Variants in NELL2 observed in about 807,000 individuals in gnomAD.
NELL2 encodes the protein protein kinase C-binding protein NELL2.
In NELL2, 41 loss-of-function variants were observed where a neutral mutation model predicts 109.6. That is an observed-to-expected ratio of 0.37 (90% confidence interval 0.29 to 0.49). The LOEUF (loss-of-function observed/expected upper bound fraction) is 0.49. Ranked by LOEUF, NELL2 falls within the 20% of genes least tolerant of loss-of-function variation. The pLI is 0.98. For missense variants in NELL2, 900 were observed against 1,008.3 expected (o/e 0.89, Z 1.45); for synonymous variants, 355 against 344.7 (o/e 1.03, Z -0.33).
At chr12:44,847,333 A>G (rs970257835) in intron 2 of NELL2, among the ~76,000 whole-genome samples, 6 of 152,164 alleles carry the variant, frequency 3.9e-5, no homozygotes, top group African/African-American at 9.7e-5. Context: ...TATCTTCGAA[A>G]CCAATCTGTA....
chr12:44,541,250 CAAAAAAAAAAAAAAAAG>C lies in NELL2; in HGVS notation c.1664-8546_1664-8530del, dbSNP rs1942552148. Among the ~76,000 whole-genome samples the C allele has an allele frequency of 2.5e-5, 2 of 78,904 alleles. 1 individual carries two copies. Among genetic ancestry groups the C allele is most frequent in the South Asian group, 1.1e-3 (2 of 1,826 alleles). The allele number at this position is 78,904 out of a possible 152,430, so 51.8% of individuals were successfully genotyped here. A position where few individuals can be genotyped will look rare whatever the true frequency, so the allele number is the denominator to read the frequency against. ...TGGGAGACAAAGTGAGACTCCATCT[CAAAAAAAAAAAAAAAAG>C]AAAAAAAAAAGAAATAGAGATAATT... On this transcript the variant is annotated intron_variant, in intron 15 of 19. Coordinates refer to ENST00000429094, the MANE Select transcript of NELL2 (RefSeq NM_001145108.2).
chr12:44,700,224 T>C (rs1949186660), intron 12 of NELL2, among the ~76,000 whole-genome samples: 1 of 152,206 alleles, frequency 6.6e-6, no homozygotes, highest in African/African-American at 2.4e-5. Flanking sequence ...TGCTCTTAGA[T>C]GCATCCACAT....
intron 15 of NELL2, among the ~76,000 whole-genome samples, chr12:44,564,756 T>C (rs1232353519): frequency 1.3e-5 from 2 of 152,218 alleles, no homozygotes; most frequent in East Asian, 3.8e-4. Flanking sequence ...CCTAAAACCA[T>C]GTTAAGATAT....
chr12:44,542,144 G>T (rs550704055), intron 15 of NELL2, among the ~76,000 whole-genome samples: 1 of 152,036 alleles, frequency 6.6e-6, no homozygotes, highest in South Asian at 2.1e-4. Context: ...ATGATATAGC[G>T]CAGTAAAATA....
At chr12:44,625,969 A>G (rs568278967) in intron 13 of NELL2, among the ~76,000 whole-genome samples, 2 of 106,730 alleles carry the variant, frequency 1.9e-5, no homozygotes, top group African/African-American at 1.2e-4. Flanking sequence ...AGGTAATTGG[A>G]AAAAAAAATC....
chr12:44,798,297 CTA>C (rs1942705079), intron 3 of NELL2, among the ~76,000 whole-genome samples: 1 of 151,766 alleles, frequency 6.6e-6, no homozygotes, highest in Admixed American at 6.6e-5. Flanking sequence ...GACAACATGA[CTA>C]TGTGCATAGA....
At chr12:44,804,199 G>A (rs1405287847) in intron 3 of NELL2, among the ~76,000 whole-genome samples, 1 of 151,844 alleles carries the variant, frequency 6.6e-6, no homozygotes, top group Non-Finnish European at 1.5e-5. Context: ...AATACCTAGA[G>A]TTTTAAATAA....
At chr12:44,520,760 A>T (rs1450060619) in intron 18 of NELL2, among the ~76,000 whole-genome samples, 1 of 152,104 alleles carries the variant, frequency 6.6e-6, no homozygotes, top group Non-Finnish European at 1.5e-5. Context: ...AAATCCTAGG[A>T]ATTGATTTCA....
chr12:44,720,212 T>C (rs1938694998), intron 9 of NELL2, among the ~76,000 whole-genome samples: 1 of 152,194 alleles, frequency 6.6e-6, no homozygotes. Context: ...TCATCTTTCT[T>C]ATCTCAGGAC....
At chr12:44,556,912 G>T (rs868855710) in intron 15 of NELL2, among the ~76,000 whole-genome samples, 23 of 152,180 alleles carry the variant, frequency 1.5e-4, no homozygotes, top group African/African-American at 4.6e-4. Context: ...GTGAAGGGAG[G>T]TGGCAAGAGA....
At chr12:44,648,173 T>A (rs1296910996) in intron 13 of NELL2, among the ~76,000 whole-genome samples, 2 of 152,172 alleles carry the variant, frequency 1.3e-5, no homozygotes, top group African/African-American at 4.8e-5. Flanking sequence ...TGAAGCTTCC[T>A]CCCACTAGAA....
chr12:44,711,488 T>G, intron 10 of NELL2, 94 bp from the exon 11 acceptor site: 1 of 1,095,004 alleles, frequency 9.1e-7, no homozygotes. Context: ...TCTTTTAAGA[T>G]CAAGAAATTT....
chr12:44,734,639 T>A (rs1939545047), intron 9 of NELL2, among the ~76,000 whole-genome samples: 1 of 151,916 alleles, frequency 6.6e-6, no homozygotes, highest in Non-Finnish European at 1.5e-5. Context: ...TTTTCTTAAA[T>A]AATAAAAAAT....
chr12:44,690,367 C>T (rs1165196358), intron 12 of NELL2, among the ~76,000 whole-genome samples: 4 of 152,110 alleles, frequency 2.6e-5, no homozygotes, highest in Non-Finnish European at 5.9e-5. Flanking sequence ...CAAAAACCTG[C>T]TCTCTTCAAA....
chr12:44,822,623 C>T lies in NELL2; in HGVS notation c.185-6487G>A, dbSNP rs576975397. ...TAGTAAGCTCTATAGAGAAACTTAT[C>T]GACATGCCTATGCTGCATGGGAGCT... On this transcript the variant is annotated intron_variant, in intron 2 of 19. Transcript: ENST00000429094. 5.3e-5 allele frequency among the ~76,000 whole-genome samples: 8 copies of T among 152,256 alleles called. No homozygotes were observed. The East Asian group carries it at 1.2e-3, about 22-fold the overall frequency.
At chr12:44,655,577 G>C (rs1947471407) in intron 13 of NELL2, among the ~76,000 whole-genome samples, 1 of 152,202 alleles carries the variant, frequency 6.6e-6, no homozygotes, top group South Asian at 2.1e-4. Context: ...TAACTGTGGA[G>C]ACACGTCTCA....
Position 44,665,746 on chromosome 12 carries a change from C to T in NELL2, c.1319-137G>A. The T allele has an allele frequency of 6.0e-6, 6 of 1,000,162 alleles. No individual in the cohort carries two copies. In the South Asian group the frequency reaches 1.4e-4, roughly 23 times the overall value. The allele number at this position is 1,000,162 out of a possible 1,614,324, so 62.0% of individuals were successfully genotyped here. A position where few individuals can be genotyped will look rare whatever the true frequency, so the allele number is the denominator to read the frequency against. On this transcript the variant is annotated intron_variant, in intron 12 of 19. Coordinates refer to ENST00000429094, the MANE Select transcript of NELL2 (RefSeq NM_001145108.2). ...AAAAGCATTCATGATATCTCCTTTG[C>T]TAGGAGTGTTTAATGTTCAAATGAC...
chr12:44,745,393 G>C (rs986509098), intron 9 of NELL2, among the ~76,000 whole-genome samples: 2 of 152,114 alleles, frequency 1.3e-5, no homozygotes, highest in Non-Finnish European at 2.9e-5. Flanking sequence ...ACTGGCACAA[G>C]ACAGGGATGC....
upstream of NELL2, among the ~76,000 whole-genome samples, chr12:44,917,786 A>G (rs1429088277): frequency 6.6e-6 from 1 of 152,090 alleles, no homozygotes; most frequent in African/African-American, 2.4e-5. Flanking sequence ...TGGGCTAGAG[A>G]AGTAAGGGGT....
Sources: gnomAD v4.1 joint callset for allele counts (sites outside exome capture counted in the v4.1 genomes callset) on GRCh38, gnomAD v4.1.1 for gene constraint, MANE v1.5 for transcripts, NCBI Gene and HGNC (gene_info 2026-07-23, HGNC 2026-07-21) for gene names.